Variants in RBM27 observed in about 807,000 individuals in gnomAD.
RBM27 encodes the protein RNA binding motif protein 27.
A neutral mutation model predicts 135.3 loss-of-function variants in RBM27; 22 were observed. That is an observed-to-expected ratio of 0.16 (90% CI 0.12 to 0.23). RBM27 has a LOEUF of 0.23. RBM27 is among the 10% of genes least tolerant of loss of function. The probability of loss-of-function intolerance (pLI) is 1.00; values close to 1 mark genes in which losing one functional copy is unlikely to be tolerated. For synonymous variants in RBM27, 481 were observed against 442.4 expected (o/e 1.09, Z -1.10); for missense variants, 1,009 against 1,281.0 (o/e 0.79, Z 3.24).
At chr5:146,207,009 T>C (rs1254302495) in intron 1 of RBM27, among the ~76,000 whole-genome samples, 1 of 152,218 alleles carries the variant, frequency 6.6e-6, no homozygotes, top group African/African-American at 2.4e-5. Flanking sequence ...TATTTTTTGT[T>C]TGTTTAGATA....
chr5:146,240,290 T>TTCTGTCTGTCTGTCTGTCTG (rs574710950), intron 8 of RBM27, among the ~76,000 whole-genome samples: 1 of 146,480 alleles, frequency 6.8e-6, no homozygotes, highest in Non-Finnish European at 1.5e-5. Flanking sequence ...GATTGCTGTT[T>TTCTGTCTGTCTGTCTGTCTG]TCTATCTGTC....
chr5:146,224,915 T>A (rs1236420665), intron 3 of RBM27, among the ~76,000 whole-genome samples: 1 of 152,096 alleles, frequency 6.6e-6, no homozygotes, highest in Non-Finnish European at 1.5e-5. Flanking sequence ...CTCAGTAATT[T>A]GAGTAGTGAG....
chr5:146,235,078 G>A (rs1163947058), intron 7 of RBM27, among the ~76,000 whole-genome samples: 31 of 96,498 alleles, frequency 3.2e-4, no homozygotes, highest in Admixed American at 3.1e-3. Context: ...ATAAATAAAA[G>A]ATGGCAAATT....
rs139285637 is a variant in RBM27, at chr5:146,261,936, A to T, written c.2190+130A>T. The T allele has an allele frequency of 8.0e-4, 696 of 870,004 alleles. 2 individuals are homozygous for T. The African/African-American group carries it at 8.8e-3, about 11-fold the overall frequency. 53.9% of individuals were successfully genotyped at this position (870,004 alleles called of 1,614,324 possible). ...TTGAACTGCAGACCAGTAGCATCTG[A>T]TCTCCTGGGATCTTATAGAAATGCA... On this transcript the variant is annotated intron_variant, in intron 13 of 20. Transcript: ENST00000265271.
At chr5:146,250,211 C>T (rs558286162) in intron 8 of RBM27, among the ~76,000 whole-genome samples, 9 of 151,922 alleles carry the variant, frequency 5.9e-5, no homozygotes, top group East Asian at 1.9e-4. Flanking sequence ...GAGGCCGAGA[C>T]GGGCAGATCA....
chr5:146,234,655 G>C (rs1757083668), intron 7 of RBM27, among the ~76,000 whole-genome samples: 1 of 152,062 alleles, frequency 6.6e-6, no homozygotes, highest in South Asian at 2.1e-4. Flanking sequence ...TTTTTAAAAA[G>C]TAATTGAAAA....
chr5:146,263,564 C>G lies in RBM27; in HGVS notation c.2264C>G (p.Ala755Gly). 6.2e-7 allele frequency: 1 copy of G among 1,614,110 alleles called. No homozygotes were observed. Among genetic ancestry groups the G allele is most frequent in the Non-Finnish European group, 8.5e-7 (1 of 1,179,986 alleles). The change falls in exon 14 of 21, where the codon GCA becomes GGA. Residue 755 changes from alanine (A) to glycine (G), a missense_variant. Ala to Gly is a moderately conservative substitution (Grantham distance 60, BLOSUM62 0). Around this residue, in one of 6 missense-constraint regions of RBM27, gnomAD observed 355 missense variants for 427.3 expected, o/e 0.83. Transcript: ENST00000265271. ...CCTGTTAAACATCGTCTTGGACATG[C>G]AGGTGGTAACCAGAGTGATGCATCA... ...KVPVKHRLGH[A>G]GGNQSDASHL...
rs530761469 is a variant in RBM27 at position 146,279,479 on chromosome 5, T to A, written c.2989-5143T>A. Among the ~76,000 whole-genome samples the A allele has an allele frequency of 2.7e-5, 4 of 146,738 alleles. No homozygotes were observed. In the South Asian group the frequency reaches 8.7e-4, roughly 32 times the overall value. ...AAAAAACAAAAAAAAAACAAAACTT[T>A]TAAAAATAAAAATATAATGTATGCA... On this transcript the variant is annotated intron_variant, in intron 19 of 20. Coordinates refer to ENST00000265271, the MANE Select transcript of RBM27 (RefSeq NM_018989.2).
rs568109799 is a variant in RBM27 at position 146,229,225 on chromosome 5, TA to T, written c.395+191del. Among the ~76,000 whole-genome samples the T allele has an allele frequency of 2.4e-3, 362 of 152,298 alleles. 1 individual carries two copies. Among genetic ancestry groups the T allele is most frequent in the African/African-American group, 8.1e-3 (338 of 41,564 alleles). On this transcript the variant is annotated intron_variant, in intron 4 of 20. Coordinates refer to ENST00000265271, the MANE Select transcript of RBM27 (RefSeq NM_018989.2). ...TTTGTCTTACTTTCTGTTCCTTTTA[TA>T]AACAGTCATTATTATGTGTTTTCCC...
intron 8 of RBM27, among the ~76,000 whole-genome samples, chr5:146,248,251 T>TA (rs1554081204): frequency 3.3e-5 from 5 of 150,540 alleles, no homozygotes; most frequent in African/African-American, 4.9e-5. Context: ...TTTTTTTTTT[T>TA]AATTTTTGAC....
intron 19 of RBM27, among the ~76,000 whole-genome samples, chr5:146,283,232 C>T (rs1444426501): frequency 6.6e-6 from 1 of 152,078 alleles, no homozygotes; most frequent in Non-Finnish European, 1.5e-5. Flanking sequence ...CGTACATTAC[C>T]TAATTTTTAA....
At chr5:146,271,387 T>C (rs1022314552) in intron 18 of RBM27, 96 bp from the exon 19 acceptor site, 19 of 1,171,932 alleles carry the variant, frequency 1.6e-5, no homozygotes, top group Non-Finnish European at 1.6e-5. Context: ...GCAACGAGAG[T>C]GAAATTCCAT....
At chr5:146,272,813 A>G (rs1758925920) in intron 19 of RBM27, among the ~76,000 whole-genome samples, 1 of 152,146 alleles carries the variant, frequency 6.6e-6, no homozygotes, top group South Asian at 2.1e-4. Context: ...ATGCCCATTA[A>G]CCCTGTTTCA....
chr5:146,269,722 A>G (rs970347719), intron 17 of RBM27, 138 bp downstream of exon 17: 6 of 469,582 alleles, frequency 1.3e-5, no homozygotes, highest in African/African-American at 2.0e-5. Flanking sequence ...TACTTAAAAA[A>G]AAAATCCTAA....
At chr5:146,263,737 A>G (rs1758493697) in intron 14 of RBM27, 106 bp downstream of exon 14, 2 of 1,305,704 alleles carry the variant, frequency 1.5e-6, no homozygotes, top group African/African-American at 3.0e-5. Flanking sequence ...AGTTAACCTA[A>G]GTGTGGCAGG....
rs1489784065 is a variant in RBM27, at chr5:146,269,229, A to T, written c.2474A>T (p.Asp825Val). The T allele has an allele frequency of 6.2e-7, 1 of 1,608,262 alleles. No individual in the cohort carries two copies. Among genetic ancestry groups the T allele is most frequent in the African/African-American group, 1.3e-5 (1 of 74,876 alleles). ...CAGGAAGCAATGAAGTTACAACAAG[A>T]TATGAGGAAAAAAAGACAGGAAGTG... ...KKQEAMKLQQ[D>V]MRKKRQEVLE... The change falls in exon 16 of 21, where the codon GAT becomes GTT. Residue 825 changes from aspartate (D) to valine (V), a missense_variant. By Grantham distance (152) the Asp-to-Val change is radical (BLOSUM62 -3). Around this residue, in one of 6 missense-constraint regions of RBM27, gnomAD observed 355 missense variants for 427.3 expected, o/e 0.83. Transcript: ENST00000265271.
In RBM27 at chr5:146,267,672, A is replaced by C; in HGVS notation, c.2355A>C (p.Pro785=). 1 of 1,591,574 alleles carries C rather than the reference A, an allele frequency of 6.3e-7. No individual in the cohort carries two copies. The highest frequency in any genetic ancestry group is 8.6e-7 in the Non-Finnish European group (1 of 1,164,232). The change falls in exon 15 of 21, where the codon CCA becomes CCC. Residue 785 remains proline (P), a synonymous_variant. Coordinates refer to ENST00000265271, the MANE Select transcript of RBM27 (RefSeq NM_018989.2). ...DCQIFSTPGH[P]KMIYSSSNLK... ...AGATATTTTCAACTCCAGGCCATCC[A>C]AAAATGATTTACAGCTCCTCAAACT...
chr5:146,230,582 A>C, intron 5 of RBM27, 75 bp from the exon 6 acceptor site: 1 of 1,460,548 alleles, frequency 6.8e-7, no homozygotes, highest in South Asian at 1.3e-5. Context: ...TTTCTATGTG[A>C]GAAAATAAAT....
intron 1 of RBM27, among the ~76,000 whole-genome samples, chr5:146,204,037 G>T (rs543960015): frequency 1.3e-5 from 2 of 151,102 alleles, no homozygotes; most frequent in Admixed American, 1.3e-4. Flanking sequence ...TATGGGGACT[G>T]GGGGGGCAGG....
Sources: allele counts gnomAD v4.1 joint callset (sites outside exome capture counted in the v4.1 genomes callset), GRCh38; gene constraint gnomAD v4.1.1; regional missense constraint gnomAD v4.1.1; transcripts MANE v1.5; gene names NCBI Gene and HGNC (gene_info 2026-07-23, HGNC 2026-07-21).